The following PCNT variants were observed in gnomAD, a reference collection of about 807,000 sequenced individuals.
The protein encoded by PCNT is pericentrin.
In PCNT, 319 loss-of-function variants were observed where a neutral mutation model predicts 380.4. That is an observed-to-expected ratio of 0.84 (90% CI 0.77 to 0.92). The LOEUF (loss-of-function observed/expected upper bound fraction) is 0.92. PCNT is among the 40% of genes least tolerant of loss of function. The pLI is 0.00. For missense variants in PCNT, 4,400 were observed against 4,255.3 expected, an observed-to-expected ratio of 1.03 and a Z score of -0.95; for synonymous variants, 1,845 against 1,735.2, an observed-to-expected ratio of 1.06 and a Z score of -1.57.
At chr21:46,365,323 T>G (rs2084865060) in intron 14 of PCNT, among the ~76,000 whole-genome samples, 3 of 98,528 alleles carry the variant, frequency 3.0e-5, no homozygotes, top group African/African-American at 6.4e-5. Flanking sequence ...TGCCATGGGG[T>G]TCTATTCACT....
At position 46,346,120 on chromosome 21, in the gene PCNT, T is replaced by A; in HGVS notation, c.640-8T>A. 6.2e-7 allele frequency: 1 copy of A among 1,613,978 alleles called. No homozygotes were observed. Among genetic ancestry groups the A allele is most frequent in the Non-Finnish European group, 8.5e-7 (1 of 1,179,824 alleles). On this transcript the variant is annotated splice_region_variant and splice_polypyrimidine_tract_variant and intron_variant, in intron 3 of 46. Coordinates refer to ENST00000359568, the MANE Select transcript of PCNT (RefSeq NM_006031.6). ...TCTGGACCTACATTCTTTGCCTTTTTTCCCCAGGAGTGTGAACAAGAATGT... is the reference window on the plus strand; with the variant it reads ...TCTGGACCTACATTCTTTGCCTTTTATCCCCAGGAGTGTGAACAAGAATGT...
At position 46,411,963 on chromosome 21, in the gene PCNT, G is replaced by A. The variant is rs772942335; in HGVS notation, c.5890G>A (p.Ala1964Thr). The A allele has an allele frequency of 2.2e-5, 35 of 1,600,026 alleles. No homozygotes were observed. The African/African-American group carries it at 4.4e-4, about 20-fold the overall frequency. Residue 1964 changes from alanine (A) to threonine (T), a missense_variant, in exon 28 of 47, where the codon GCC becomes ACC. Coordinates refer to ENST00000359568, the MANE Select transcript of PCNT (RefSeq NM_006031.6). ...RATAHTRVPGAHPQPRMDGGA... is the reference protein window; with the variant it reads ...RATAHTRVPGTHPQPRMDGGA... ...CACAGCTCACACACGGGTGCCCGGGGCCCACCCACAGCCTCGCATGGATGG... is the reference window on the plus strand; with the variant it reads ...CACAGCTCACACACGGGTGCCCGGGACCCACCCACAGCCTCGCATGGATGG...
In PCNT at chr21:46,412,928, A is replaced by T. The variant is rs543327799; in HGVS notation, c.6086A>T (p.Gln2029Leu). ...VMSVLTVCQRQLQSELLLVKN... is the reference protein window; with the variant it reads ...VMSVLTVCQRLLQSELLLVKN... ...TCAGTGCTCACCGTCTGCCAGAGGC[A>T]GCTGCAGTCGGAGCTGCTCTTGGTG... The change falls in exon 29 of 47, where the codon CAG (glutamine) becomes CTG (leucine). Residue 2029 changes from glutamine to leucine, a missense_variant. Gln to Leu is a moderately radical substitution (Grantham distance 113). Coordinates refer to ENST00000359568, the MANE Select transcript of PCNT (RefSeq NM_006031.6). 3.7e-6 allele frequency: 6 copies of T among 1,612,526 alleles called. No individual in the cohort carries two copies. Among genetic ancestry groups the T allele is most frequent in the East Asian group, 4.5e-5 (2 of 44,876 alleles).
chr21:46,381,938 C>CATGGTGTTGTGCATTT, intron 16 of PCNT, 98 bp downstream of exon 16: 1 of 1,284,882 alleles, frequency 7.8e-7, no homozygotes, highest in Non-Finnish European at 1.1e-6. Flanking sequence ...GGAGTGCACT[C>CATGGTGTTGTGCATTT]ATGGTGTTGT....
At position 46,351,546 on chromosome 21, in the gene PCNT, G is replaced by T; in HGVS notation, c.1456+6G>T. On this transcript the variant is annotated splice_donor_region_variant and intron_variant, in intron 9 of 46. Coordinates refer to ENST00000359568, the MANE Select transcript of PCNT (RefSeq NM_006031.6). ...CAGTAGACAGGAATTGAGTGGTGAGGAATTGTATTGGAAAATTCAGATCCT... is the reference window on the plus strand; with the variant it reads ...CAGTAGACAGGAATTGAGTGGTGAGTAATTGTATTGGAAAATTCAGATCCT... 1 of 1,510,534 alleles carries T rather than the reference G, an allele frequency of 6.6e-7. No individual in the cohort carries two copies. Among genetic ancestry groups the T allele is most frequent in the Non-Finnish European group, 9.2e-7 (1 of 1,085,636 alleles). 93.6% of individuals were successfully genotyped at this position (1,510,534 alleles called of 1,614,324 possible).
rs587784317 is a variant in PCNT at position 46,418,200 on chromosome 21, A to C, written c.6922-4A>C. On this transcript the variant is annotated splice_region_variant and splice_polypyrimidine_tract_variant and intron_variant, in intron 30 of 46. Coordinates refer to ENST00000359568, the MANE Select transcript of PCNT (RefSeq NM_006031.6). ...TTTATGACCATTTAAAAATCTCTTA[A>C]CAGGAGAAAGATGTCGAAGATTTTA... 1 of 1,539,042 alleles carries C rather than the reference A, an allele frequency of 6.5e-7. No homozygotes were observed. Among genetic ancestry groups the C allele is most frequent in the Admixed American group, 1.7e-5 (1 of 59,176 alleles).
intron 3 of PCNT, among the ~76,000 whole-genome samples, chr21:46,336,429 T>C (rs118048390): frequency 0.041 from 6,239 of 152,294 alleles, 194 homozygotes; most frequent in Non-Finnish European, 0.062. Flanking sequence ...GGCTGGAGTA[T>C]GGTGGTGCCA....
rs1310332322 is a variant in PCNT at position 46,369,338 on chromosome 21, A to T, written c.3165+2199A>T. Among the ~76,000 whole-genome samples the T allele has an allele frequency of 2.6e-5, 4 of 152,196 alleles. No homozygotes were observed. The East Asian group carries it at 7.7e-4, about 29-fold the overall frequency. On this transcript the variant is annotated intron_variant, in intron 15 of 46. Transcript: ENST00000359568. ...ATCCTCTTGCCTTGGCCTCCCAGGT[A>T]GTTGGAATTACAGGCATGAGCCACT...
In PCNT at chr21:46,430,718, A is replaced by G. The variant is rs750727140; in HGVS notation, c.8064+61A>G. ...CTGTGTGCACTGGAAGCCTGAAGCCATGCTCCTCTTTCATCCTTCTTTTCC... is the reference window on the plus strand; with the variant it reads ...CTGTGTGCACTGGAAGCCTGAAGCCGTGCTCCTCTTTCATCCTTCTTTTCC... On this transcript the variant is annotated intron_variant, in intron 37 of 46. Transcript: ENST00000359568. The G allele has an allele frequency of 4.3e-5, 66 of 1,547,682 alleles. No individual in the cohort carries two copies. The Middle Eastern group carries it at 6.9e-4, about 16-fold the overall frequency.
At chr21:46,426,982 A>C (rs1233328291) in intron 33 of PCNT, among the ~76,000 whole-genome samples, 2 of 152,056 alleles carry the variant, frequency 1.3e-5, no homozygotes, top group Non-Finnish European at 2.9e-5. Flanking sequence ...TCGCCCCTCC[A>C]GCAGGCCCTG....
Position 46,421,771 on chromosome 21 carries a change from T to C in PCNT, c.7025-199T>C, listed in dbSNP as rs563953105. Among the ~76,000 whole-genome samples, 32 of 152,348 alleles carry C rather than the reference T, an allele frequency of 2.1e-4. 1 individual carries two copies. The South Asian group carries it at 6.6e-3, about 32-fold the overall frequency. On this transcript the variant is annotated intron_variant, in intron 31 of 46. Transcript: ENST00000359568. Reference sequence around the variant, plus strand: ...ACCTGTGAAGTTGCGTTTTCTTACTTGACGTGCGTCTTTCTCACCAGGGTT... The same window carrying C: ...ACCTGTGAAGTTGCGTTTTCTTACTCGACGTGCGTCTTTCTCACCAGGGTT...
intron 14 of PCNT, among the ~76,000 whole-genome samples, chr21:46,366,257 G>T (rs1167796887): frequency 1.3e-5 from 2 of 152,176 alleles, no homozygotes; most frequent in Non-Finnish European, 2.9e-5. Context: ...TAGGAGGTTG[G>T]TTGTGCCTGC....
intron 29 of PCNT, among the ~76,000 whole-genome samples, chr21:46,414,469 GAC>G (rs1341680522): frequency 7.2e-5 from 2 of 27,860 alleles, no homozygotes; most frequent in Non-Finnish European, 1.4e-4. Context: ...CCTCCTCCTG[GAC>G]ACACAGCCGC....
intron 27 of PCNT, among the ~76,000 whole-genome samples, chr21:46,405,868 T>C (rs1189821125): frequency 1.3e-5 from 2 of 152,236 alleles, no homozygotes; most frequent in Non-Finnish European, 2.9e-5. Flanking sequence ...AATTGAAAGC[T>C]TTTTAAGGAC....
intron 15 of PCNT, among the ~76,000 whole-genome samples, chr21:46,371,239 C>T (rs1442343023): frequency 1.4e-5 from 2 of 140,254 alleles, no homozygotes. Context: ...TTTTTAAAGA[C>T]GGAGTCTCAA....
chr21:46,432,581 A>C (rs1002462767), intron 38 of PCNT, among the ~76,000 whole-genome samples: 4 of 152,236 alleles, frequency 2.6e-5, no homozygotes, highest in African/African-American at 9.6e-5. Flanking sequence ...ACATCTGGAC[A>C]GTGTGAGGTC....
rs141878320 is a variant in PCNT, at chr21:46,385,882, C to G, written c.3363C>G (p.Ser1121=). ...GTCACGAGATAGAAGAGTGCCGCTCCGAGTTGGAGGTGCTGCAGCAGAGGC... is the reference window on the plus strand; with the variant it reads ...GTCACGAGATAGAAGAGTGCCGCTCGGAGTTGGAGGTGCTGCAGCAGAGGC... ...SLSHEIEECR[S]ELEVLQQRRE... Residue 1121 remains serine, a synonymous_variant, in exon 17 of 47, where the codon TCC becomes TCG. Coordinates refer to ENST00000359568, the MANE Select transcript of PCNT (RefSeq NM_006031.6). 6.2e-7 allele frequency: 1 copy of G among 1,614,198 alleles called. No homozygotes were observed. The highest frequency in any genetic ancestry group is 8.5e-7 in the Non-Finnish European group (1 of 1,180,020).
chr21:46,373,810 A>T (rs1254144018), intron 15 of PCNT, among the ~76,000 whole-genome samples: 1 of 138,850 alleles, frequency 7.2e-6, no homozygotes, highest in South Asian at 2.3e-4. Context: ...GCTCACTGCA[A>T]CCTCCGCCCC....
In PCNT at chr21:46,431,950, A is replaced by C. The variant is rs1378828217; in HGVS notation, c.8486A>C (p.His2829Pro). 4 of 1,614,082 alleles carry C rather than the reference A, an allele frequency of 2.5e-6. No homozygotes were observed. Among genetic ancestry groups the C allele is most frequent in the African/African-American group, 2.7e-5 (2 of 75,066 alleles). Residue 2829 changes from histidine to proline, a missense_variant, in exon 38 of 47, where the codon CAC becomes CCC. By Grantham distance (77) the His-to-Pro change is moderately conservative. Coordinates refer to ENST00000359568, the MANE Select transcript of PCNT (RefSeq NM_006031.6). ...CAGCTTGAGGCTGAGGCTCAGAAGCACTGTGAGGCGCTCAGGAGAGAGAAG... is the reference window on the plus strand; with the variant it reads ...CAGCTTGAGGCTGAGGCTCAGAAGCCCTGTGAGGCGCTCAGGAGAGAGAAG... ...QQQLEAEAQK[H>P]CEALRREKEV...
Sources: gnomAD v4.1 joint callset for allele counts (sites outside exome capture counted in the v4.1 genomes callset) on GRCh38, gnomAD v4.1.1 for gene constraint, MANE v1.5 for transcripts, NCBI Gene and HGNC (gene_info 2026-07-23, HGNC 2026-07-21) for gene names.